Variants in TSPAN12 observed in about 807,000 individuals in gnomAD.
The protein encoded by TSPAN12 is tetraspanin 12.
In TSPAN12, 19 loss-of-function variants were observed where a neutral mutation model predicts 39.2. That is an observed-to-expected ratio of 0.49 (90% CI 0.34 to 0.71). TSPAN12 has a LOEUF of 0.71. Among genes scored for constraint, TSPAN12 ranks in the 30% least tolerant of loss-of-function variants. The pLI is 0.01. For missense variants in TSPAN12, 314 were observed against 359.9 expected (o/e 0.87, Z 1.03); for synonymous variants, 119 against 124.8 (o/e 0.95, Z 0.31).
intron 4 of TSPAN12, among the ~76,000 whole-genome samples, chr7:120,837,609 G>A (rs1013146057): frequency 3.3e-5 from 5 of 152,136 alleles, no homozygotes; most frequent in African/African-American, 1.2e-4. Context: ...ACCTTGCCCG[G>A]CCTGAGTGTG....
intron 7 of TSPAN12, among the ~76,000 whole-genome samples, chr7:120,799,779 TTA>T (rs1274363874): frequency 7.4e-5 from 10 of 135,188 alleles, no homozygotes; most frequent in Admixed American, 3.2e-4. Context: ...TTTAATTAAA[TTA>T]TATATAATAA....
intron 7 of TSPAN12, among the ~76,000 whole-genome samples, chr7:120,790,265 T>C (rs780782168): frequency 3.9e-5 from 6 of 152,164 alleles, no homozygotes; most frequent in Non-Finnish European, 5.9e-5. Context: ...AACGGTATAG[T>C]ATAATGGTTA....
intron 2 of TSPAN12, among the ~76,000 whole-genome samples, chr7:120,843,279 A>G (rs1369230292): frequency 1.3e-5 from 2 of 152,218 alleles, no homozygotes; most frequent in African/African-American, 4.8e-5. Flanking sequence ...TCTGTTCTGC[A>G]TATATATGCC....
At chr7:120,846,278 C>T (rs1464196232) in intron 2 of TSPAN12, among the ~76,000 whole-genome samples, 1 of 152,172 alleles carries the variant, frequency 6.6e-6, no homozygotes, top group Admixed American at 6.5e-5. Context: ...CAAACCATAT[C>T]ATGTGGTATT....
At chr7:120,848,486 A>C (rs1794713437) in intron 2 of TSPAN12, among the ~76,000 whole-genome samples, 1 of 152,158 alleles carries the variant, frequency 6.6e-6, no homozygotes, top group African/African-American at 2.4e-5. Flanking sequence ...TGTTTTAATA[A>C]GAACCGAGCT....
chr7:120,844,006 G>A (rs1010109685), intron 2 of TSPAN12, among the ~76,000 whole-genome samples: 1 of 152,140 alleles, frequency 6.6e-6, no homozygotes, highest in African/African-American at 2.4e-5. Flanking sequence ...AGGCTGTACA[G>A]GAAACATGGC....
chr7:120,842,118 T>C (rs893623512), intron 2 of TSPAN12, among the ~76,000 whole-genome samples: 4 of 152,206 alleles, frequency 2.6e-5, no homozygotes, highest in African/African-American at 9.6e-5. Context: ...TAAATGCTGA[T>C]ACAATGAATA....
chr7:120,819,011 T>C (rs774484000), intron 4 of TSPAN12, among the ~76,000 whole-genome samples: 6 of 152,114 alleles, frequency 3.9e-5, no homozygotes, highest in Non-Finnish European at 8.8e-5. Context: ...AGTAACTACA[T>C]ACTGGATCAC....
At chr7:120,788,981 C>T (rs988144168) in intron 7 of TSPAN12, 84 bp from the exon 8 acceptor site, 1 of 1,392,672 alleles carries the variant, frequency 7.2e-7, no homozygotes, top group African/African-American at 1.4e-5. Context: ...CAATCTGTAT[C>T]AGTTAATGAA....
chr7:120,798,513 G>A (rs1200640570), intron 7 of TSPAN12, among the ~76,000 whole-genome samples: 4 of 152,176 alleles, frequency 2.6e-5, no homozygotes, highest in Admixed American at 6.5e-5. Flanking sequence ...GAGGGTTTAC[G>A]GATGTTTATC....
chr7:120,789,781 G>A (rs558133357), intron 7 of TSPAN12, among the ~76,000 whole-genome samples: 1 of 152,266 alleles, frequency 6.6e-6, no homozygotes, highest in South Asian at 2.1e-4. Flanking sequence ...ACATAGACAA[G>A]CAAGCTGGAA....
intron 7 of TSPAN12, among the ~76,000 whole-genome samples, chr7:120,797,160 A>T (rs1040191724): frequency 5.3e-5 from 8 of 152,250 alleles, no homozygotes; most frequent in African/African-American, 1.4e-4. Flanking sequence ...TCATCTCAAA[A>T]AAAAGAATAT....
chr7:120,825,966 T>C (rs2116421546), intron 4 of TSPAN12, among the ~76,000 whole-genome samples: 1 of 152,306 alleles, frequency 6.6e-6, no homozygotes, highest in African/African-American at 2.4e-5. Flanking sequence ...ATTAGAACTA[T>C]AGACCAATGG....
chr7:120,790,383 T>C (rs1793498958), intron 7 of TSPAN12, among the ~76,000 whole-genome samples: 1 of 152,192 alleles, frequency 6.6e-6, no homozygotes, highest in Non-Finnish European at 1.5e-5. Context: ...TCTGAGATGT[T>C]GGGAGGATTA....
chr7:120,796,593 TAGA>T (rs1392137189), intron 7 of TSPAN12, among the ~76,000 whole-genome samples: 1 of 152,122 alleles, frequency 6.6e-6, no homozygotes, highest in Non-Finnish European at 1.5e-5. Flanking sequence ...AATTGGGATG[TAGA>T]AGAAAAAAAT....
At chr7:120,846,516 CAA>C (rs201644337) in intron 2 of TSPAN12, among the ~76,000 whole-genome samples, 1 of 151,930 alleles carries the variant, frequency 6.6e-6, no homozygotes, top group East Asian at 1.9e-4. Context: ...TTTTTAACAA[CAA>C]AAAAAGTGTA....
At chr7:120,817,420 A>G (rs1328798351) in intron 4 of TSPAN12, among the ~76,000 whole-genome samples, 1 of 151,812 alleles carries the variant, frequency 6.6e-6, no homozygotes, top group Non-Finnish European at 1.5e-5. Flanking sequence ...TGAAGCCCAC[A>G]TAGCCGAGGG....
chr7:120,844,588 C>A (rs1794637457), intron 2 of TSPAN12, among the ~76,000 whole-genome samples: 2 of 152,234 alleles, frequency 1.3e-5, no homozygotes, highest in African/African-American at 2.4e-5. Flanking sequence ...CCCAGCAGGG[C>A]AGTCATTAAA....
chr7:120,806,452 G>T, intron 7 of TSPAN12, 97 bp downstream of exon 7: 2 of 1,429,426 alleles, frequency 1.4e-6, no homozygotes, highest in South Asian at 1.2e-5. Context: ...TTTACATTTA[G>T]ACAGAGAAGG....
Sources: allele counts gnomAD v4.1 joint callset (sites outside exome capture counted in the v4.1 genomes callset), GRCh38; gene constraint gnomAD v4.1.1; transcripts MANE v1.5; gene names NCBI Gene and HGNC (gene_info 2026-07-23, HGNC 2026-07-21).